The following NCAPD3 variants were observed in gnomAD, a reference collection of about 807,000 sequenced individuals.
The protein encoded by NCAPD3 is condensin-2 complex subunit D3.
A neutral mutation model predicts 182.9 loss-of-function variants in NCAPD3; 105 were observed. The observed-to-expected ratio is 0.57, with a 90% CI of 0.49 to 0.68. The LOEUF is 0.68. NCAPD3 is among the 30% of genes least tolerant of loss of function. The pLI, the probability that NCAPD3 is intolerant of heterozygous loss-of-function variation, is 0.00. For missense variants in NCAPD3, 1,944 were observed against 1,837.0 expected (o/e 1.06, Z -1.07); for synonymous variants, 815 against 679.9 (o/e 1.20, Z -3.09).
At chr11:134,180,152 G>A (rs1421947484) in intron 20 of NCAPD3, among the ~76,000 whole-genome samples, 1 of 152,034 alleles carries the variant, frequency 6.6e-6, no homozygotes, top group Non-Finnish European at 1.5e-5. Flanking sequence ...TACACTCCCT[G>A]GTGCTCTTAC....
At chr11:134,180,332 C>A (rs897620408) in intron 20 of NCAPD3, among the ~76,000 whole-genome samples, 2 of 152,048 alleles carry the variant, frequency 1.3e-5, no homozygotes, top group Admixed American at 6.5e-5. Context: ...AAGACGTGCT[C>A]CACTAATTTA....
chr11:134,203,728 A>G lies in NCAPD3; in HGVS notation c.1394T>C (p.Leu465Pro), dbSNP rs1445743186. ...DKAPTVRSKA[L>P]SSFAHCLELT... ...CTCCAGACAGTGTGCAAAGCTGGAC[A>G]GTGCCTTGCTGCGGACAGTAGGCGC... The change falls in exon 11 of 35, where the codon CTG (leucine) becomes CCG (proline). Residue 465 changes from leucine to proline, a missense_variant. Physicochemically the swap from Leu to Pro is moderately conservative, Grantham distance 98. This residue lies in a region of NCAPD3 where 1,803 missense variants were observed against 1,674.6 expected (regional missense o/e 1.08). Transcript: ENST00000534548. 6.2e-7 allele frequency: 1 copy of G among 1,614,098 alleles called. No individual in the cohort carries two copies. The highest frequency in any genetic ancestry group is 1.3e-5 in the African/African-American group (1 of 74,932).
At chr11:134,164,581 C>G (rs1943701981) in intron 27 of NCAPD3, among the ~76,000 whole-genome samples, 1 of 152,078 alleles carries the variant, frequency 6.6e-6, no homozygotes, top group East Asian at 1.9e-4. Flanking sequence ...GCTGCACACT[C>G]ACTTGTGACA....
At chr11:134,157,581 T>C (rs1943458487) in intron 31 of NCAPD3, among the ~76,000 whole-genome samples, 2 of 152,240 alleles carry the variant, frequency 1.3e-5, no homozygotes, top group African/African-American at 2.4e-5. Context: ...AGCTGTCTAC[T>C]ACATCTACTA....
At position 134,178,885 on chromosome 11, in the gene NCAPD3, C is replaced by A. The variant is rs746991297; in HGVS notation, c.2611G>T (p.Val871Leu). The change falls in exon 21 of 35, where the codon GTG becomes TTG. Residue 871 changes from valine (V) to leucine (L), a missense_variant. Physicochemically the swap from Val to Leu is conservative, Grantham distance 32. This residue lies in a region of NCAPD3 where 1,803 missense variants were observed against 1,674.6 expected (regional missense o/e 1.08). Transcript: ENST00000534548. ...GDIAQLCPAR[V>L]EKRIFLLIQS... ...ATCAGAAGGAAGATGCGCTTCTCCA[C>A]CCTGGCTGGACACAGCTGGGCTATA... The A allele has an allele frequency of 6.2e-7, 1 of 1,614,148 alleles. No homozygotes were observed. The highest frequency in any genetic ancestry group is 1.7e-5 in the Admixed American group (1 of 60,022).
chr11:134,153,700 G>A (rs954282235), intron 32 of NCAPD3: 5 of 366,826 alleles, frequency 1.4e-5, no homozygotes, highest in Non-Finnish European at 2.1e-5. Context: ...ACCTCCTACT[G>A]TGGCTCACCC....
chr11:134,210,282 T>C lies in NCAPD3; in HGVS notation c.555A>G (p.Arg185=), dbSNP rs758574833. The C allele has an allele frequency of 6.2e-7, 1 of 1,612,380 alleles. No individual in the cohort carries two copies. The highest frequency in any genetic ancestry group is 1.7e-5 in the Admixed American group (1 of 59,478). ...ACTTACTTCTTACCTCAATATCTTC[T>C]CTCCTGGGTGGCTTTCCCCTTTTTC... is the stretch of plus-strand genomic sequence containing the variant. ...RHRKRGKPPR[R]EDIEMDEIIE... The change falls in exon 4 of 35, where the codon AGA becomes AGG. Residue 185 remains arginine (R), a synonymous_variant. Transcript: ENST00000534548.
rs116980319 is a variant in NCAPD3 at position 134,158,513 on chromosome 11, G to A, written c.3868-18C>T. The A allele has an allele frequency of 9.9e-6, 16 of 1,608,650 alleles. No individual in the cohort carries two copies. The South Asian group carries it at 1.4e-4, about 14-fold the overall frequency. On this transcript the variant is annotated intron_variant, in intron 29 of 34. Transcript: ENST00000534548. ...AGGGCAACCTGGTAGAGAAGATAAA[G>A]AGTATGTACATTCTAATACTTTTTA...
chr11:134,185,520 A>C lies in NCAPD3; in HGVS notation c.2052T>G (p.Tyr684Ter). Residue 684 changes from tyrosine to a stop codon, truncating the protein, a stop_gained, in exon 17 of 35, where the codon TAT (tyrosine) becomes TAG (stop). Transcript: ENST00000534548. LOFTEE classifies it high-confidence loss of function. Reference sequence around the variant, plus strand: ...ACCAGATATGAAAAGCCTTATTTAAATATCGGCTGGAAAAAAAAAAGATAG... The same window carrying C: ...ACCAGATATGAAAAGCCTTATTTAACTATCGGCTGGAAAAAAAAAAGATAG... ...LTTESQELSR[Y>*]LNKAFHIWSK... 1 of 1,583,564 alleles carries C rather than the reference A, an allele frequency of 6.3e-7. No homozygotes were observed. Among genetic ancestry groups the C allele is most frequent in the Non-Finnish European group, 8.6e-7 (1 of 1,167,986 alleles).
At chr11:134,222,611 A>G (rs149466384) in intron 1 of NCAPD3, among the ~76,000 whole-genome samples, 13 of 152,364 alleles carry the variant, frequency 8.5e-5, no homozygotes, top group African/African-American at 3.1e-4. Context: ...TATTTTTGCT[A>G]TGGATGAGTG....
intron 1 of NCAPD3, chr11:134,223,408 T>C (rs1360146834): frequency 1.4e-6 from 1 of 702,412 alleles, no homozygotes; most frequent in Non-Finnish European, 2.6e-6. Flanking sequence ...GATGGTGCCA[T>C]TAGCAGGCTT....
intron 22 of NCAPD3, 62 bp from the exon 23 acceptor site, chr11:134,177,519 T>C: frequency 7.0e-7 from 1 of 1,436,122 alleles, no homozygotes; most frequent in Non-Finnish European, 9.7e-7. Flanking sequence ...ATTCCTAAAT[T>C]TTCTCCAGAT....
intron 28 of NCAPD3, among the ~76,000 whole-genome samples, chr11:134,160,342 C>G (rs1481909676): frequency 2.6e-5 from 4 of 152,184 alleles, no homozygotes; most frequent in Admixed American, 1.3e-4. Flanking sequence ...GCAAACACCA[C>G]TGGCCACACA....
chr11:134,185,709 T>C (rs1213799757), intron 16 of NCAPD3, among the ~76,000 whole-genome samples, 183 bp from the exon 17 acceptor site: 1 of 152,136 alleles, frequency 6.6e-6, no homozygotes, highest in East Asian at 1.9e-4. Context: ...TCTTTTAAAT[T>C]TTTATTATTC....
chr11:134,157,900 T>A (rs1565516222), intron 31 of NCAPD3, 28 bp downstream of exon 31: 1 of 1,598,840 alleles, frequency 6.3e-7, no homozygotes, highest in Non-Finnish European at 8.5e-7. Flanking sequence ...AATGCTCTAC[T>A]GTGTCTGGCA....
chr11:134,212,622 C>T (rs759954807), intron 3 of NCAPD3, among the ~76,000 whole-genome samples: 2 of 152,070 alleles, frequency 1.3e-5, no homozygotes, highest in South Asian at 2.1e-4. Flanking sequence ...GAACTCCTGA[C>T]GTCAAGTGAC....
At chr11:134,219,732 A>G (rs1043699993) in intron 2 of NCAPD3, among the ~76,000 whole-genome samples, 2 of 152,192 alleles carry the variant, frequency 1.3e-5, no homozygotes, top group South Asian at 2.1e-4. Flanking sequence ...ATAGAACTCA[A>G]TATTTACAGG....
chr11:134,164,180 G>A (rs990794377), intron 27 of NCAPD3, among the ~76,000 whole-genome samples: 1 of 152,192 alleles, frequency 6.6e-6, no homozygotes, highest in African/African-American at 2.4e-5. Flanking sequence ...TGGCAGCCAA[G>A]CTCTGCCCCA....
chr11:134,224,046 C>G (rs1377973645), upstream of NCAPD3: 1 of 1,221,242 alleles, frequency 8.2e-7, no homozygotes, highest in African/African-American at 1.5e-5. Flanking sequence ...GGCCAACCAC[C>G]GCGCCGAGCC....
Sources: allele counts gnomAD v4.1 joint callset (sites outside exome capture counted in the v4.1 genomes callset), GRCh38; gene constraint gnomAD v4.1.1; regional missense constraint gnomAD v4.1.1; transcripts MANE v1.5; gene names NCBI Gene and HGNC (gene_info 2026-07-23, HGNC 2026-07-21).